Variants in PCDH17 observed in about 807,000 individuals in gnomAD.
PCDH17 encodes protocadherin 17.
PCDH17 carries 21 observed loss-of-function variants against 67.7 expected under a neutral mutation model. The ratio of observed to expected loss-of-function variants is 0.31; its 90% CI spans 0.22 to 0.45. The LOEUF (loss-of-function observed/expected upper bound fraction) is 0.45. PCDH17 is among the 20% of genes least tolerant of loss of function. PCDH17 has a pLI of 1.00. For synonymous variants in PCDH17, 701 were observed against 656.7 expected (o/e 1.07, Z -1.03); for missense variants, 1,471 against 1,564.8 (o/e 0.94, Z 1.01).
chr13:57,672,739 G>T (rs1955337443), intron 3 of PCDH17, among the ~76,000 whole-genome samples: 1 of 151,942 alleles, frequency 6.6e-6, no homozygotes, highest in East Asian at 1.9e-4. Context: ...CTAGTCTGTG[G>T]AATGGTTACT....
rs1397383265 is a variant in PCDH17, at chr13:57,649,808, C to T, written c.2565+14697C>T. Among the ~76,000 whole-genome samples the T allele has an allele frequency of 8.5e-5, 13 of 152,186 alleles. No individual in the cohort carries two copies. In the East Asian group the frequency reaches 1.5e-3, roughly 18 times the overall value. ...CTCCCAAGAAAAGGGGTATCAAGAT[C>T]CTTAAATCAAATTAGACTAGGGGAA... On this transcript the variant is annotated intron_variant, in intron 1 of 3. Coordinates refer to ENST00000377918, the MANE Select transcript of PCDH17 (RefSeq NM_001040429.3).
Position 57,729,029 on chromosome 13 carries a change from G to A in PCDH17, c.*3735G>A, listed in dbSNP as rs977757680. 2.0e-5 allele frequency: 3 copies of A among 152,030 alleles called. No individual in the cohort carries two copies. The highest frequency in any genetic ancestry group is 1.3e-4 in the Admixed American group (2 of 15,238). The allele number at this position is 152,030 out of a possible 1,614,324, so 9.4% of individuals were successfully genotyped here. A position where few individuals can be genotyped will look rare whatever the true frequency, so the allele number is the denominator to read the frequency against. On this transcript the variant is annotated 3_prime_UTR_variant, in exon 4 of 4. Transcript: ENST00000377918. ...ACAGCATTCATCAGAGCACTAATTC[G>A]AATGAGAGTTTTGGCTATCAAGATG... is the stretch of plus-strand genomic sequence containing the variant.
intron 3 of PCDH17, 46 bp from the exon 4 acceptor site, chr13:57,724,565 AG>A: frequency 6.6e-7 from 1 of 1,505,076 alleles, no homozygotes; most frequent in Non-Finnish European, 9.1e-7. Context: ...AGAAATTTAA[AG>A]AAAACTCTAA....
chr13:57,701,184 C>G (rs577652736), intron 3 of PCDH17, among the ~76,000 whole-genome samples: 50 of 152,088 alleles, frequency 3.3e-4, no homozygotes, highest in Non-Finnish European at 4.3e-4. Flanking sequence ...GTTTAGTTTA[C>G]CAAAAAAATC....
chr13:57,661,760 T>A (rs1955186554), intron 1 of PCDH17, among the ~76,000 whole-genome samples: 1 of 152,178 alleles, frequency 6.6e-6, no homozygotes, highest in South Asian at 2.1e-4. Flanking sequence ...CTGTTCATAT[T>A]TGTGTGGGTC....
intron 3 of PCDH17, among the ~76,000 whole-genome samples, chr13:57,699,534 C>A (rs1238996642): frequency 6.6e-6 from 1 of 151,836 alleles, no homozygotes; most frequent in African/African-American, 2.4e-5. Flanking sequence ...CCTTTTTATC[C>A]TTCTTTTGTT....
intron 1 of PCDH17, among the ~76,000 whole-genome samples, chr13:57,645,906 C>T (rs1954959378): frequency 6.6e-6 from 1 of 150,964 alleles, no homozygotes; most frequent in African/African-American, 2.4e-5. Flanking sequence ...CTAATATGAT[C>T]ATTTCGTCTA....
chr13:57,689,075 G>A (rs956760338), intron 3 of PCDH17, among the ~76,000 whole-genome samples: 44 of 151,980 alleles, frequency 2.9e-4, no homozygotes, highest in Non-Finnish European at 1.5e-5. Flanking sequence ...CAAAATTTTA[G>A]CATTCTTGCT....
In PCDH17 at chr13:57,712,922, A is replaced by C. The variant is rs1031722002; in HGVS notation, c.2798-11690A>C. Among the ~76,000 whole-genome samples, 6 of 151,816 alleles carry C rather than the reference A, an allele frequency of 4.0e-5. No homozygotes were observed. The East Asian group carries it at 9.7e-4, about 24-fold the overall frequency. ...CTGGGTATGGCTGATTATCAATGGAATCGCAGAAAATACTCTCCAAGATAA... is the reference window on the plus strand; with the variant it reads ...CTGGGTATGGCTGATTATCAATGGACTCGCAGAAAATACTCTCCAAGATAA... On this transcript the variant is annotated intron_variant, in intron 3 of 3. Transcript: ENST00000377918.
chr13:57,656,317 T>C (rs1245969043), intron 1 of PCDH17, among the ~76,000 whole-genome samples: 1 of 152,146 alleles, frequency 6.6e-6, no homozygotes, highest in Non-Finnish European at 1.5e-5. Context: ...AGCTTGATCA[T>C]AAAAATTTAA....
chr13:57,699,755 T>C (rs555542733), intron 3 of PCDH17, among the ~76,000 whole-genome samples: 2 of 152,170 alleles, frequency 1.3e-5, no homozygotes, highest in South Asian at 4.1e-4. Context: ...TCTACCGCAT[T>C]TTTTCATGTA....
chr13:57,643,311 T>A (rs1436909718), intron 1 of PCDH17, among the ~76,000 whole-genome samples: 1 of 151,588 alleles, frequency 6.6e-6, no homozygotes, highest in Non-Finnish European at 1.5e-5. Flanking sequence ...CAAAATATAA[T>A]AAGAAAAAAG....
chr13:57,695,569 A>C (rs1314742136), intron 3 of PCDH17, among the ~76,000 whole-genome samples: 1 of 151,228 alleles, frequency 6.6e-6, no homozygotes, highest in African/African-American at 2.4e-5. Flanking sequence ...TATTTATTCT[A>C]GCTATTTTAA....
intron 3 of PCDH17, among the ~76,000 whole-genome samples, chr13:57,694,447 A>G (rs1955588214): frequency 6.6e-6 from 1 of 151,176 alleles, no homozygotes; most frequent in African/African-American, 2.4e-5. Flanking sequence ...AGCCCTGTGC[A>G]TTCGTGTATA....
At chr13:57,673,303 T>C (rs1408761519) in intron 3 of PCDH17, among the ~76,000 whole-genome samples, 1 of 151,994 alleles carries the variant, frequency 6.6e-6, no homozygotes, top group African/African-American at 2.4e-5. Context: ...TCCTTTGTTA[T>C]CTTGCTATGC....
Position 57,633,759 on chromosome 13 carries a change from G to T in PCDH17, c.1213G>T (p.Gly405Trp), listed in dbSNP as rs760388437. The change falls in exon 1 of 4, where the codon GGG becomes TGG. Residue 405 changes from glycine (G) to tryptophan (W), a missense_variant. Transcript: ENST00000377918. This position sits in a 1 kb window ranked among gnomAD's most constrained non-coding sequence, Gnocchi z 6.2. Reference protein sequence around the residue: ...GGTGGGGGLGGPGGSVPFKLE... With the variant: ...GGTGGGGGLGWPGGSVPFKLE... ...GACGGGCGGCGGCGGGGGCCTGGGC[G>T]GGCCCGGGGGTTCCGTCCCCTTCAA... 1 of 1,589,458 alleles carries T rather than the reference G, an allele frequency of 6.3e-7. No individual in the cohort carries two copies. The highest frequency in any genetic ancestry group is 8.5e-7 in the Non-Finnish European group (1 of 1,172,560).
At chr13:57,724,012 T>A (rs946991744) in intron 3 of PCDH17, among the ~76,000 whole-genome samples, 1 of 152,116 alleles carries the variant, frequency 6.6e-6, no homozygotes, top group African/African-American at 2.4e-5. Flanking sequence ...AAAATAGAGA[T>A]GTGCACTTTT....
At chr13:57,639,839 G>A (rs1954868829) in intron 1 of PCDH17, among the ~76,000 whole-genome samples, 1 of 151,832 alleles carries the variant, frequency 6.6e-6, no homozygotes, top group South Asian at 2.1e-4. Flanking sequence ...CCCTAAAATT[G>A]TTACCTCAAC....
In PCDH17 at chr13:57,632,730, G is replaced by A. The variant is rs1436044799; in HGVS notation, c.184G>A (p.Gly62Ser). 1.2e-6 allele frequency: 2 copies of A among 1,611,750 alleles called. No individual in the cohort carries two copies. Among genetic ancestry groups the A allele is most frequent in the East Asian group, 2.2e-5 (1 of 44,830 alleles). ...CGGCGGCGGAGGGCGCAGCAAGTCG[G>A]GTAGCTACCGGGTGCTGGAGAACTC... ...ERGGGGRSKS[G>S]SYRVLENSAP... Residue 62 changes from glycine to serine, a missense_variant, in exon 1 of 4, where the codon GGT becomes AGT. Transcript: ENST00000377918.
Sources: allele counts gnomAD v4.1 joint callset (sites outside exome capture counted in the v4.1 genomes callset), GRCh38; gene constraint gnomAD v4.1.1; non-coding constraint Gnocchi (gnomAD v3.1); transcripts MANE v1.5; gene names NCBI Gene and HGNC (gene_info 2026-07-23, HGNC 2026-07-21).